Variants in CLYBL observed in about 807,000 individuals in gnomAD.
CLYBL encodes citramalyl-CoA lyase.
A neutral mutation model predicts 38.9 loss-of-function variants in CLYBL; 31 were observed. That is an observed-to-expected ratio of 0.80 (90% CI 0.60 to 1.08). The LOEUF (loss-of-function observed/expected upper bound fraction) is 1.08. Among genes scored for constraint, CLYBL ranks in the 50% least tolerant of loss-of-function variants. CLYBL has a pLI of 0.00. For synonymous variants in CLYBL, 171 were observed against 158.6 expected, an observed-to-expected ratio of 1.08 and a Z score of -0.59; for missense variants, 434 against 411.6, an observed-to-expected ratio of 1.05 and a Z score of -0.47.
chr13:99,776,340 C>T (rs1489120028), intron 2 of CLYBL, among the ~76,000 whole-genome samples: 2 of 150,804 alleles, frequency 1.3e-5, no homozygotes, highest in Admixed American at 6.6e-5. Flanking sequence ...ACTAAAAATA[C>T]AAAAAATCAG....
chr13:99,640,369 G>T (rs1192338102), intron 1 of CLYBL, among the ~76,000 whole-genome samples: 1 of 152,168 alleles, frequency 6.6e-6, no homozygotes, highest in African/African-American at 2.4e-5. Context: ...GTTCACTAAT[G>T]TTAGGCTGAG....
At chr13:99,884,958 C>T (rs2052310283) in intron 7 of CLYBL, 1 of 473,366 alleles carries the variant, frequency 2.1e-6, no homozygotes, top group South Asian at 1.5e-5. Flanking sequence ...AACTACCGAA[C>T]TTGTGTCCTT....
rs548733942 is a variant in CLYBL at position 99,772,968 on chromosome 13, T to C, written c.207T>C (p.Cys69=). 11 of 1,613,468 alleles carry C rather than the reference T, an allele frequency of 6.8e-6. No individual in the cohort carries two copies. In the Admixed American group the frequency reaches 8.4e-5, roughly 12 times the overall value. ...IKKIPSLNVD[C]AVLDCEDGVA... The stretch of plus-strand genomic sequence containing the variant: ...AGATTCCATCCCTGAATGTAGATTG[T>C]GCAGTGCTCGACTGTGAGGATGGAG... The change falls in exon 2 of 9, where the codon TGT becomes TGC. Residue 69 remains cysteine (C), a synonymous_variant. Transcript: ENST00000339105.
chr13:99,625,693 A>T (rs2046859481), intron 1 of CLYBL, among the ~76,000 whole-genome samples: 1 of 152,238 alleles, frequency 6.6e-6, no homozygotes. Context: ...TGTAACAGAA[A>T]ATTCTAAAAC....
At chr13:99,786,606 T>C (rs1312608893) in intron 2 of CLYBL, among the ~76,000 whole-genome samples, 3 of 152,214 alleles carry the variant, frequency 2.0e-5, no homozygotes, top group Non-Finnish European at 2.9e-5. Flanking sequence ...CAGTCTGTCA[T>C]TGATGGACAT....
chr13:99,728,753 GTTTTGTTTTT>G (rs1427619085), intron 1 of CLYBL, among the ~76,000 whole-genome samples: 1 of 151,080 alleles, frequency 6.6e-6, no homozygotes, highest in Non-Finnish European at 1.5e-5. Flanking sequence ...GTTTTGTTTT[GTTTTGTTTTT>G]GTAGAGATGG....
chr13:99,683,660 G>C (rs972217143), intron 1 of CLYBL, among the ~76,000 whole-genome samples: 1 of 151,624 alleles, frequency 6.6e-6, no homozygotes, highest in African/African-American at 2.4e-5. Flanking sequence ...CACGCACAGA[G>C]CTGTTGTCTC....
chr13:99,763,029 A>G (rs2049194612), intron 1 of CLYBL, among the ~76,000 whole-genome samples: 1 of 152,190 alleles, frequency 6.6e-6, no homozygotes, highest in Non-Finnish European at 1.5e-5. Context: ...TGTATTTTGC[A>G]ACTTTACTGA....
downstream of CLYBL, among the ~76,000 whole-genome samples, chr13:99,898,770 C>G (rs147066665): frequency 2.1e-3 from 324 of 152,338 alleles, 2 homozygotes; most frequent in East Asian, 0.057. Context: ...GAGATCCTCC[C>G]AGCTCCCCTA....
intron 2 of CLYBL, among the ~76,000 whole-genome samples, chr13:99,774,291 C>T (rs2049463523): frequency 6.6e-6 from 1 of 152,172 alleles, no homozygotes; most frequent in Non-Finnish European, 1.5e-5. Context: ...AAGACTCTTA[C>T]TGCGTGACTG....
chr13:99,773,075 G>T, intron 2 of CLYBL, 65 bp downstream of exon 2: 2 of 1,338,134 alleles, frequency 1.5e-6, no homozygotes, highest in Non-Finnish European at 2.1e-6. Context: ...TCCGAATAGT[G>T]ACATTGCCCG....
At chr13:99,885,433 A>G (rs1233497798) in intron 7 of CLYBL, among the ~76,000 whole-genome samples, 1 of 152,128 alleles carries the variant, frequency 6.6e-6, no homozygotes, top group Non-Finnish European at 1.5e-5. Flanking sequence ...GGAGGGTCCC[A>G]TCATGGGCAG....
chr13:99,836,507 T>C (rs900495117), intron 2 of CLYBL, among the ~76,000 whole-genome samples: 1 of 152,202 alleles, frequency 6.6e-6, no homozygotes, highest in Non-Finnish European at 1.5e-5. Flanking sequence ...GTATGAAGAA[T>C]GGACTTAACC....
chr13:99,760,493 G>A (rs1241075732), intron 1 of CLYBL, among the ~76,000 whole-genome samples: 1 of 152,184 alleles, frequency 6.6e-6, no homozygotes, highest in Non-Finnish European at 1.5e-5. Context: ...CTCTACTGGT[G>A]ACAAACTCCC....
intron 2 of CLYBL, among the ~76,000 whole-genome samples, chr13:99,796,756 T>C (rs917619199): frequency 2.6e-5 from 4 of 152,132 alleles, no homozygotes; most frequent in African/African-American, 7.2e-5. Context: ...AGGTTCCCCA[T>C]CTCAAGTTGC....
chr13:99,880,074 T>A lies in CLYBL; in HGVS notation c.927+9012T>A, dbSNP rs914665953. Among the ~76,000 whole-genome samples, 469 of 100,024 alleles carry A rather than the reference T, an allele frequency of 4.7e-3. 3 individuals carry two copies. Among genetic ancestry groups the A allele is most frequent in the Non-Finnish European group, 7.8e-3 (316 of 40,724 alleles). 65.6% of individuals were successfully genotyped at this position (100,024 alleles called of 152,430 possible). The stretch of plus-strand genomic sequence containing the variant: ...TGTATATATATATATATATATTTTT[T>A]TTTTTTTTTTTGAGACAGAGTCTTG... On this transcript the variant is annotated intron_variant, in intron 7 of 8. Transcript: ENST00000339105.
At chr13:99,905,025 C>A (rs980090897) in intron 8 of CLYBL, among the ~76,000 whole-genome samples, 2 of 152,012 alleles carry the variant, frequency 1.3e-5, no homozygotes, top group African/African-American at 4.8e-5. Context: ...GCCTCCTTTG[C>A]CTCTTTCCCC....
intron 2 of CLYBL, among the ~76,000 whole-genome samples, chr13:99,827,790 G>A (rs1010967744): frequency 9.2e-5 from 14 of 152,248 alleles, no homozygotes; most frequent in African/African-American, 2.9e-4. Flanking sequence ...GCCATCGTAT[G>A]TGGGGATGGG....
rs565092709 is a variant in CLYBL, at chr13:99,826,789, G to A, written c.250-32072G>A. Among the ~76,000 whole-genome samples, 8 of 152,306 alleles carry A rather than the reference G, an allele frequency of 5.3e-5. 1 individual carries two copies. In the South Asian group the frequency reaches 1.7e-3, roughly 32 times the overall value. ...CTGTCTTGGTTCTCATCACTGTTCAGCCTCTCCTTACTCCCTGAGATGCTC... is the reference window on the plus strand; with the variant it reads ...CTGTCTTGGTTCTCATCACTGTTCAACCTCTCCTTACTCCCTGAGATGCTC... On this transcript the variant is annotated intron_variant, in intron 2 of 8. Coordinates refer to ENST00000339105, the MANE Select transcript of CLYBL (RefSeq NM_206808.5).
Sources: gnomAD v4.1 joint callset for allele counts (sites outside exome capture counted in the v4.1 genomes callset) on GRCh38, gnomAD v4.1.1 for gene constraint, MANE v1.5 for transcripts, NCBI Gene and HGNC (gene_info 2026-07-23, HGNC 2026-07-21) for gene names.